Variants in SUPT3H observed in about 807,000 individuals in gnomAD.
The protein encoded by SUPT3H is SPT3 homolog, SAGA and STAGA complex component.
SUPT3H carries 44 observed loss-of-function variants against 44.3 expected under a neutral mutation model. That is an observed-to-expected ratio of 0.99 (90% CI 0.78 to 1.28). The LOEUF is 1.28. Among genes scored for constraint, SUPT3H ranks in the 50% most tolerant of loss-of-function variants. The pLI, the probability that SUPT3H is intolerant of heterozygous loss-of-function variation, is 0.00. For synonymous variants in SUPT3H, 124 were observed against 125.6 expected (o/e 0.99, Z 0.09); for missense variants, 380 against 387.1 (o/e 0.98, Z 0.15).
rs6926370 is a variant in SUPT3H at position 44,979,543 on chromosome 6, G to T, written c.505-17715C>A. On this transcript the variant is annotated intron_variant, in intron 6 of 10. Transcript: ENST00000371459. ...GTGAAAGAATGAACAAAGTGTGTGT[G>T]GGGGGGGGAAATCAATGTTCTATGT... is the stretch of plus-strand genomic sequence containing the variant. Among the ~76,000 whole-genome samples, 4 of 151,662 alleles carry T rather than the reference G, an allele frequency of 2.6e-5. No homozygotes were observed. The South Asian group carries it at 6.2e-4, about 24-fold the overall frequency.
At chr6:45,254,341 A>C (rs1396059056) in intron 2 of SUPT3H, among the ~76,000 whole-genome samples, 1 of 152,188 alleles carries the variant, frequency 6.6e-6, no homozygotes, top group African/African-American at 2.4e-5. Flanking sequence ...TCTTGTACTA[A>C]TACATGATTA....
rs1561839352 is a variant in SUPT3H, at chr6:44,827,174, A to G, written c.*2642T>C. On this transcript the variant is annotated 3_prime_UTR_variant, in exon 11 of 11. Transcript: ENST00000371459. ...GACAAAAAATAGAAACTAGCTTTGT[A>G]TATTTCCATTTGACTTAGAGTTAAG... Among the ~76,000 whole-genome samples, 1 of 152,166 alleles carries G rather than the reference A, an allele frequency of 6.6e-6. No individual in the cohort carries two copies. The highest frequency in any genetic ancestry group is 1.9e-4 in the East Asian group (1 of 5,202).
chr6:45,032,198 C>T (rs1370162243), intron 3 of SUPT3H, among the ~76,000 whole-genome samples: 2 of 152,060 alleles, frequency 1.3e-5, no homozygotes, highest in African/African-American at 2.4e-5. Flanking sequence ...CATAGGAAAA[C>T]CAATACATGT....
At chr6:45,216,914 C>T (rs1765148072) in intron 2 of SUPT3H, among the ~76,000 whole-genome samples, 1 of 152,082 alleles carries the variant, frequency 6.6e-6, no homozygotes, top group Admixed American at 6.5e-5. Flanking sequence ...CACATGTTCT[C>T]ACTCACATGT....
chr6:45,145,798 G>C (rs1805958642), intron 2 of SUPT3H, among the ~76,000 whole-genome samples: 1 of 151,910 alleles, frequency 6.6e-6, no homozygotes, highest in Non-Finnish European at 1.5e-5. Flanking sequence ...AATCTACAAT[G>C]AACTCACAAA....
At chr6:45,234,938 A>G (rs562356187) in intron 2 of SUPT3H, among the ~76,000 whole-genome samples, 6 of 152,328 alleles carry the variant, frequency 3.9e-5, no homozygotes, top group African/African-American at 1.4e-4. Context: ...AATAAAATTT[A>G]AGAGCTGAAT....
At chr6:45,285,713 T>C (rs1185961553) in intron 2 of SUPT3H, among the ~76,000 whole-genome samples, 1 of 152,118 alleles carries the variant, frequency 6.6e-6, no homozygotes, top group African/African-American at 2.4e-5. Context: ...AAGCTACCAA[T>C]GACTTTCTTC....
intron 2 of SUPT3H, among the ~76,000 whole-genome samples, chr6:45,244,382 T>A (rs1243459927): frequency 1.3e-5 from 2 of 152,206 alleles, no homozygotes; most frequent in African/African-American, 2.4e-5. Flanking sequence ...ATATCCTTAA[T>A]AATAATTTCA....
rs199521130 is a variant in SUPT3H at position 45,106,537 on chromosome 6, A to AT, written c.102-532dup. On this transcript the variant is annotated intron_variant, in intron 2 of 10. Transcript: ENST00000371459. ...CTATTTCTGGATTCGTACAGTTTTTATTTTTTTTATTTTTTTTGAGACAGA... is the reference window on the plus strand; with the variant it reads ...CTATTTCTGGATTCGTACAGTTTTTATTTTTTTTTATTTTTTTTGAGACAGA... Among the ~76,000 whole-genome samples the AT allele has an allele frequency of 5.4e-4, 81 of 151,194 alleles. 1 individual carries two copies. The highest frequency in any genetic ancestry group is 1.7e-3 in the Admixed American group (26 of 15,180).
At chr6:45,303,716 C>A (rs930465041) in intron 2 of SUPT3H, among the ~76,000 whole-genome samples, 1 of 150,784 alleles carries the variant, frequency 6.6e-6, no homozygotes, top group Admixed American at 6.6e-5. Flanking sequence ...AAAGCCAGGC[C>A]GGGCACAGTG....
chr6:44,965,544 T>G (rs1414810229), intron 6 of SUPT3H, among the ~76,000 whole-genome samples: 1 of 152,128 alleles, frequency 6.6e-6, no homozygotes, highest in Non-Finnish European at 1.5e-5. Context: ...GATCTGGATA[T>G]GCTTATCACC....
At chr6:45,283,110 A>G (rs543302400) in intron 2 of SUPT3H, among the ~76,000 whole-genome samples, 8 of 152,342 alleles carry the variant, frequency 5.3e-5, no homozygotes, top group Admixed American at 1.3e-4. Context: ...AGGAACAACC[A>G]GTACCAGCCA....
intron 6 of SUPT3H, among the ~76,000 whole-genome samples, chr6:44,970,691 A>C (rs545092474): frequency 6.6e-6 from 1 of 152,284 alleles, no homozygotes; most frequent in Non-Finnish European, 1.5e-5. Flanking sequence ...TCAGAGGTTT[A>C]CATAATATCT....
chr6:45,354,102 T>C (rs1057244391), intron 2 of SUPT3H, among the ~76,000 whole-genome samples: 2 of 152,184 alleles, frequency 1.3e-5, no homozygotes, highest in Non-Finnish European at 1.5e-5. Context: ...TTAGTTCAAC[T>C]TTCCTGTAGG....
At chr6:44,906,094 C>T (rs953449524) in intron 10 of SUPT3H, among the ~76,000 whole-genome samples, 1 of 152,106 alleles carries the variant, frequency 6.6e-6, no homozygotes, top group African/African-American at 2.4e-5. Context: ...TTAATGGTTG[C>T]AGCACATCAA....
intron 2 of SUPT3H, among the ~76,000 whole-genome samples, chr6:45,260,126 T>C (rs544787004): frequency 2.2e-4 from 33 of 152,290 alleles, no homozygotes; most frequent in Admixed American, 5.9e-4. Flanking sequence ...AAAATAAACT[T>C]ATGTTACATG....
intron 7 of SUPT3H, among the ~76,000 whole-genome samples, chr6:44,957,999 G>C (rs592240): frequency 0.97 from 147,781 of 152,250 alleles, 71,749 homozygotes; most frequent in East Asian, 1. Flanking sequence ...ACAGATACCT[G>C]TAGTTAAGAC....
chr6:44,982,218 C>T (rs1221858018), intron 6 of SUPT3H, among the ~76,000 whole-genome samples: 1 of 152,070 alleles, frequency 6.6e-6, no homozygotes, highest in East Asian at 1.9e-4. Context: ...GACAGTCTCA[C>T]TCTGTCACCC....
intron 10 of SUPT3H, among the ~76,000 whole-genome samples, chr6:44,871,016 G>A (rs906742819): frequency 2.7e-5 from 4 of 150,342 alleles, no homozygotes; most frequent in African/African-American, 9.7e-5. Context: ...GAATCTCGCT[G>A]ATTGCTAGCA....
Sources: gnomAD v4.1 joint callset for allele counts (sites outside exome capture counted in the v4.1 genomes callset) on GRCh38, gnomAD v4.1.1 for gene constraint, MANE v1.5 for transcripts, NCBI Gene and HGNC (gene_info 2026-07-23, HGNC 2026-07-21) for gene names.